GALNT2: variants seen among roughly 807,000 people sequenced by gnomAD.
GALNT2 encodes the protein UDP-GalNAc:polypeptide N-acetylgalactosaminyltransferase 2.
A neutral mutation model predicts 81.4 loss-of-function variants in GALNT2; 31 were observed. That is an observed-to-expected ratio of 0.38 (90% CI 0.29 to 0.51). The LOEUF (loss-of-function observed/expected upper bound fraction) is 0.51, where lower values mean the gene tolerates loss of function less well. Among genes scored for constraint, GALNT2 ranks in the 20% least tolerant of loss-of-function variants. GALNT2 has a pLI of 0.87. For missense variants in GALNT2, 629 were observed against 765.7 expected (o/e 0.82, Z 2.11); for synonymous variants, 303 against 287.4 (o/e 1.05, Z -0.55).
At chr1:230,188,101 T>G (rs1663403034) in intron 2 of GALNT2, among the ~76,000 whole-genome samples, 1 of 152,180 alleles carries the variant, frequency 6.6e-6, no homozygotes, top group Non-Finnish European at 1.5e-5. Context: ...GCCTCCTGTT[T>G]GTATCATAAA....
At chr1:230,266,649 C>T (rs900051313) in intron 14 of GALNT2, among the ~76,000 whole-genome samples, 2 of 152,196 alleles carry the variant, frequency 1.3e-5, no homozygotes, top group Non-Finnish European at 2.9e-5. Context: ...ATGGCCTGGA[C>T]ATCCTAAATT....
intron 6 of GALNT2, among the ~76,000 whole-genome samples, chr1:230,242,079 A>G (rs781370215): frequency 1.1e-4 from 17 of 152,150 alleles, no homozygotes; most frequent in African/African-American, 3.4e-4. Flanking sequence ...TGAACTCTCT[A>G]TCCTCTAACA....
intron 3 of GALNT2, among the ~76,000 whole-genome samples, chr1:230,207,060 T>C (rs985886212): frequency 1.3e-5 from 2 of 151,822 alleles, no homozygotes; most frequent in East Asian, 3.9e-4. Context: ...ATTTTACTTA[T>C]TTTTTTCTTC....
At chr1:230,266,640 T>C (rs1666044793) in intron 14 of GALNT2, among the ~76,000 whole-genome samples, 1 of 152,222 alleles carries the variant, frequency 6.6e-6, no homozygotes, top group African/African-American at 2.4e-5. Context: ...TTACTTGCAA[T>C]GGCCTGGACA....
At position 230,182,978 on chromosome 1, in the gene GALNT2, C is replaced by A. The variant is rs572783934; in HGVS notation, c.220+4667C>A. ...AGGATTGTTGTATCTTTTTGGAAAA[C>A]AGACTTTTAAAAAATCATTGTGTAG... On this transcript the variant is annotated intron_variant, in intron 2 of 15. Transcript: ENST00000366672. Among the ~76,000 whole-genome samples, 4 of 152,246 alleles carry A rather than the reference C, an allele frequency of 2.6e-5. No homozygotes were observed. In the South Asian group the frequency reaches 8.3e-4, roughly 32 times the overall value.
intron 1 of GALNT2, among the ~76,000 whole-genome samples, chr1:230,092,693 G>C (rs890581245): frequency 6.6e-6 from 1 of 152,114 alleles, no homozygotes; most frequent in African/African-American, 2.4e-5. Flanking sequence ...CCATTATTCA[G>C]TATTCCTTTA....
intron 1 of GALNT2, among the ~76,000 whole-genome samples, chr1:230,130,954 A>G (rs1003630571): frequency 5.3e-5 from 8 of 152,164 alleles, no homozygotes; most frequent in Non-Finnish European, 7.4e-5. Context: ...TGAGCCTGAG[A>G]CAGGGTAGGA....
At chr1:230,140,964 C>T (rs1339901702) in intron 1 of GALNT2, among the ~76,000 whole-genome samples, 1 of 152,150 alleles carries the variant, frequency 6.6e-6, no homozygotes, top group Non-Finnish European at 1.5e-5. Flanking sequence ...TTCTTATTTT[C>T]TCTGCTTTTG....
intron 13 of GALNT2, chr1:230,265,006 G>T: frequency 1.0e-4 from 36 of 353,070 alleles, no homozygotes; most frequent in Non-Finnish European, 1.5e-4. Flanking sequence ...ACCTGATATA[G>T]AATATAAAGA....
intron 1 of GALNT2, among the ~76,000 whole-genome samples, chr1:230,174,121 A>G (rs1021394678): frequency 5.3e-5 from 8 of 152,218 alleles, no homozygotes; most frequent in African/African-American, 1.9e-4. Context: ...CTGGGCAGGC[A>G]GGGACCCGCT....
chr1:230,153,135 C>T (rs1662140748), intron 1 of GALNT2, among the ~76,000 whole-genome samples: 2 of 152,220 alleles, frequency 1.3e-5, no homozygotes, highest in African/African-American at 4.8e-5. Flanking sequence ...GTGATCATGG[C>T]TCACTGTAAT....
rs1320209054 is a variant in GALNT2 at position 230,280,229 on chromosome 1, C to T, written c.*771C>T. Reference sequence around the variant, plus strand: ...GAGGTGGCCTTTGTCCCCTGGAGCCCGATCAGCCAGTTGGTGCTACTGCTG... The same window carrying T: ...GAGGTGGCCTTTGTCCCCTGGAGCCTGATCAGCCAGTTGGTGCTACTGCTG... On this transcript the variant is annotated 3_prime_UTR_variant, in exon 16 of 16. Transcript: ENST00000366672. 2.0e-5 allele frequency: 7 copies of T among 345,082 alleles called. No individual in the cohort carries two copies. Among genetic ancestry groups the T allele is most frequent in the Admixed American group, 3.8e-5 (1 of 26,620 alleles). 21.4% of individuals were successfully genotyped at this position (345,082 alleles called of 1,614,324 possible).
At chr1:230,241,846 A>G (rs939929558) in intron 6 of GALNT2, among the ~76,000 whole-genome samples, 1 of 152,208 alleles carries the variant, frequency 6.6e-6, no homozygotes, top group Non-Finnish European at 1.5e-5. Context: ...ATCTTTACCA[A>G]GCATGTCACA....
intron 1 of GALNT2, among the ~76,000 whole-genome samples, chr1:230,156,752 T>C (rs1555289): frequency 0.83 from 125,969 of 152,052 alleles, 52,305 homozygotes; most frequent in African/African-American, 0.88. Context: ...TAATAGCACA[T>C]CTCATCCTTT....
chr1:230,216,794 G>A (rs545706142), intron 3 of GALNT2, among the ~76,000 whole-genome samples: 18 of 152,180 alleles, frequency 1.2e-4, no homozygotes, highest in African/African-American at 4.1e-4. Flanking sequence ...ACTGCCATCT[G>A]TAAAATTTAA....
chr1:230,175,225 A>G (rs1270355958), intron 1 of GALNT2, among the ~76,000 whole-genome samples: 1 of 152,176 alleles, frequency 6.6e-6, no homozygotes, highest in Non-Finnish European at 1.5e-5. Context: ...GACCAGACAT[A>G]TTCTGAGATG....
At chr1:230,142,008 G>A (rs754553890) in intron 1 of GALNT2, among the ~76,000 whole-genome samples, 5 of 151,986 alleles carry the variant, frequency 3.3e-5, no homozygotes, top group Non-Finnish European at 7.4e-5. Context: ...GCCCAGGCTG[G>A]TCTTGAACTC....
Position 230,203,251 on chromosome 1 carries a change from T to A in GALNT2, c.335T>A (p.Leu112His). ...TTCAACCAGGTGGAGAGTGATAAGC[T>A]TCGAATGGACAGAGCCATCCCTGAC... is the stretch of plus-strand genomic sequence containing the variant. Reference protein sequence around the residue: ...NKFNQVESDKLRMDRAIPDTR... With the variant: ...NKFNQVESDKHRMDRAIPDTR... Residue 112 changes from leucine (L) to histidine (H), a missense_variant, in exon 3 of 16, where the codon CTT becomes CAT. Physicochemically the swap from Leu to His is moderately conservative, Grantham distance 99. Around this residue, in one of 3 missense-constraint regions of GALNT2, gnomAD observed 360 missense variants for 492.8 expected, o/e 0.73. Coordinates refer to ENST00000366672, the MANE Select transcript of GALNT2 (RefSeq NM_004481.5). 6.2e-7 allele frequency: 1 copy of A among 1,614,156 alleles called. No individual in the cohort carries two copies. The highest frequency in any genetic ancestry group is 8.5e-7 in the Non-Finnish European group (1 of 1,180,024).
At chr1:230,145,172 G>T (rs1025327934) in intron 1 of GALNT2, among the ~76,000 whole-genome samples, 1 of 152,148 alleles carries the variant, frequency 6.6e-6, no homozygotes, top group African/African-American at 2.4e-5. Context: ...TACCAAGACT[G>T]TCCTTGGCAC....
Sources: allele counts gnomAD v4.1 joint callset (sites outside exome capture counted in the v4.1 genomes callset), GRCh38; gene constraint gnomAD v4.1.1; regional missense constraint gnomAD v4.1.1; transcripts MANE v1.5; gene names NCBI Gene and HGNC (gene_info 2026-07-23, HGNC 2026-07-21).